Variants in POTEF observed in about 807,000 individuals in gnomAD.
The protein encoded by POTEF is POTE ankyrin domain family member F, also known as ANKRD26-like family C member 1B.
In POTEF, 20 loss-of-function variants were observed where a neutral mutation model predicts 83.2. The ratio of observed to expected loss-of-function variants is 0.24; its 90% CI spans 0.17 to 0.35. POTEF has a LOEUF of 0.35. POTEF is among the 10% of genes least tolerant of loss of function. The pLI is 1.00. For missense variants in POTEF, 550 were observed against 1,203.2 expected (o/e 0.46, Z 8.03); for synonymous variants, 196 against 446.4 (o/e 0.44, Z 7.07).
chr2:130,120,730 G>C, intron 2 of POTEF, 122 bp from the exon 3 acceptor site: 1 of 908,050 alleles, frequency 1.1e-6, no homozygotes, highest in Non-Finnish European at 1.6e-6. Flanking sequence ...GCCCCCCCTG[G>C]GCGACCCCAC....
chr2:130,106,071 T>C (rs915290818), intron 8 of POTEF, among the ~76,000 whole-genome samples: 2 of 151,076 alleles, frequency 1.3e-5, no homozygotes, highest in Admixed American at 6.6e-5. Context: ...GCCCTTGCGA[T>C]GTTGTGTTGT....
At chr2:130,116,230 C>A (rs1045556296) in intron 3 of POTEF, among the ~76,000 whole-genome samples, 2 of 151,370 alleles carry the variant, frequency 1.3e-5, no homozygotes, top group Non-Finnish European at 2.9e-5. Flanking sequence ...TTTGTCAATA[C>A]TTAGATTTAT....
intron 3 of POTEF, among the ~76,000 whole-genome samples, chr2:130,116,148 T>C (rs968749737): frequency 1.3e-5 from 2 of 152,072 alleles, no homozygotes; most frequent in South Asian, 2.1e-4. Flanking sequence ...AATAAACCAA[T>C]TCTTACTTTG....
intron 8 of POTEF, among the ~76,000 whole-genome samples, chr2:130,104,955 G>A (rs1390104959): frequency 6.6e-6 from 1 of 150,902 alleles, no homozygotes; most frequent in Non-Finnish European, 1.5e-5. Flanking sequence ...CATTAAACGT[G>A]CATAGAAAAA....
chr2:130,119,660 T>G (rs1341204351), intron 3 of POTEF, among the ~76,000 whole-genome samples: 1 of 151,804 alleles, frequency 6.6e-6, no homozygotes, highest in Non-Finnish European at 1.5e-5. Flanking sequence ...TAGTTCTCAA[T>G]ATACACTTTT....
At chr2:130,105,717 A>C (rs1684506415) in intron 8 of POTEF, among the ~76,000 whole-genome samples, 1 of 148,196 alleles carries the variant, frequency 6.7e-6, no homozygotes, top group African/African-American at 2.6e-5. Context: ...CCCGTTTTAC[A>C]CCATAACCAG....
Position 130,120,448 on chromosome 2 carries a change from T to G in POTEF, c.68A>C (p.Lys23Thr). Residue 23 changes from lysine (K) to threonine (T), a missense_variant, in exon 3 of 17, where the codon AAG (lysine) becomes ACG (threonine). Coordinates refer to ENST00000409914, the MANE Select transcript of POTEF (RefSeq NM_001099771.2). ...SVKKPFGLRS[K>T]MGKWCCRCFP... ...GCAACGGCAGCACCACTTGCCCATC[T>G]TGCTCCTGAGACCAAATGGCTTCTT... The G allele has an allele frequency of 6.2e-7, 1 of 1,613,624 alleles. No homozygotes were observed. Among genetic ancestry groups the G allele is most frequent in the Non-Finnish European group, 8.5e-7 (1 of 1,179,872 alleles).
Position 130,127,718 on chromosome 2 carries a change from C to G in POTEF, c.-103G>C, listed in dbSNP as rs1169055947. The G allele has an allele frequency of 1.3e-5, 2 of 152,134 alleles. No individual in the cohort carries two copies. The highest frequency in any genetic ancestry group is 2.4e-5 in the African/African-American group (1 of 41,012). 9.4% of individuals were successfully genotyped at this position (152,134 alleles called of 1,614,324 possible). On this transcript the variant is annotated 5_prime_UTR_variant, in exon 2 of 17. Transcript: ENST00000409914. ...GCGGGCACCCTCCTACCACTCCTGT[C>G]GAGCTGCAGTCTCCGTGGCTGCCAT...
chr2:130,120,161 C>T lies in POTEF; in HGVS notation c.355G>A (p.Ala119Thr), dbSNP rs780600249. The change falls in exon 3 of 17, where the codon GCT (alanine) becomes ACT (threonine). Residue 119 changes from alanine (A) to threonine (T), a missense_variant. By Grantham distance (58) the Ala-to-Thr change is moderately conservative. Transcript: ENST00000409914. ...CRGSSKSKVG[A>T]WGDYDDSAFM... ...GCACTGTCATCGTAGTCTCCCCAAG[C>T]GCCCACCTTGCTCTTGCTGCTCCCC... The T allele has an allele frequency of 4.0e-5, 64 of 1,609,132 alleles. No individual in the cohort carries two copies. Among genetic ancestry groups the T allele is most frequent in the East Asian group, 2.2e-4 (10 of 44,688 alleles).
intron 12 of POTEF, among the ~76,000 whole-genome samples, chr2:130,088,859 GCCA>G (rs1684065362): frequency 6.6e-6 from 1 of 152,006 alleles, no homozygotes; most frequent in Non-Finnish European, 1.5e-5. Flanking sequence ...ACAGGTGTGA[GCCA>G]CCACACCTGG....
chr2:130,108,311 A>T (rs1684604338), intron 7 of POTEF, among the ~76,000 whole-genome samples: 1 of 151,522 alleles, frequency 6.6e-6, no homozygotes, highest in Admixed American at 6.6e-5. Flanking sequence ...TGACCCAGTA[A>T]ATTAGCTAGC....
intron 8 of POTEF, among the ~76,000 whole-genome samples, chr2:130,104,120 G>A (rs1034447542): frequency 1.3e-5 from 2 of 150,574 alleles, no homozygotes; most frequent in African/African-American, 5.0e-5. Flanking sequence ...TGTGGACAGA[G>A]CTGAGATGAT....
intron 3 of POTEF, among the ~76,000 whole-genome samples, chr2:130,118,307 C>A (rs1196439174): frequency 6.6e-6 from 1 of 151,944 alleles, no homozygotes; most frequent in African/African-American, 2.4e-5. Context: ...ATTCCTTCTT[C>A]TACCAGGAAC....
At position 130,075,573 on chromosome 2, in the gene POTEF, C is replaced by G. The variant is rs1418381616; in HGVS notation, c.1900-1G>C. 62 of 1,608,514 alleles carry G rather than the reference C, an allele frequency of 3.9e-5. 1 individual carries two copies. The highest frequency in any genetic ancestry group is 5.3e-5 in the Non-Finnish European group (62 of 1,178,892). On this transcript the variant is annotated splice_acceptor_variant, in intron 16 of 16. Coordinates refer to ENST00000409914, the MANE Select transcript of POTEF (RefSeq NM_001099771.2). LOFTEE classifies it high-confidence loss of function. ...TTTCTTTCTTACAACTAAGAGAAAG[C>G]TAAGTAAACAAAGAGAACTTTTAGT...
rs1002408755 is a variant in POTEF at position 130,104,101 on chromosome 2, G to A, written c.1127-1921C>T. On this transcript the variant is annotated intron_variant, in intron 8 of 16. Coordinates refer to ENST00000409914, the MANE Select transcript of POTEF (RefSeq NM_001099771.2). ...AATTATTCATTAAGACAAGGTGACAGATAGCTCATGTGGACAGAGCTGAGA... is the reference window on the plus strand; with the variant it reads ...AATTATTCATTAAGACAAGGTGACAAATAGCTCATGTGGACAGAGCTGAGA... Among the ~76,000 whole-genome samples the A allele has an allele frequency of 4.7e-5, 7 of 149,842 alleles. 1 individual carries two copies. Among genetic ancestry groups the A allele is most frequent in the African/African-American group, 1.8e-4 (7 of 39,260 alleles).
Position 130,075,007 on chromosome 2 carries a change from A to T in POTEF, c.2465T>A (p.Ile822Asn), listed in dbSNP as rs1451549634. The T allele has an allele frequency of 6.2e-7, 1 of 1,613,232 alleles. No individual in the cohort carries two copies. Residue 822 changes from isoleucine to asparagine, a missense_variant, in exon 17 of 17, where the codon ATC becomes AAC. Coordinates refer to ENST00000409914, the MANE Select transcript of POTEF (RefSeq NM_001099771.2). ...PKANREKMTQ[I>N]MFETFNTPAM... ...TGGGGTGTTGAAGGTCTCAAACATG[A>T]TCTGGGTCATCTTCTCGCGGTTGGC...
chr2:130,105,119 T>G (rs1684484328), intron 8 of POTEF, among the ~76,000 whole-genome samples: 1 of 142,808 alleles, frequency 7.0e-6, no homozygotes, highest in African/African-American at 2.7e-5. Flanking sequence ...GCCTTTCTCA[T>G]TCAATTATCA....
intron 1 of POTEF, among the ~76,000 whole-genome samples, 165 bp downstream of exon 1, chr2:130,128,907 C>T (rs1242037957): frequency 2.4e-5 from 3 of 123,724 alleles, no homozygotes; most frequent in Non-Finnish European, 5.0e-5. Context: ...AGTGTAGCCC[C>T]GGACAGCCAG....
intron 2 of POTEF, among the ~76,000 whole-genome samples, chr2:130,122,411 A>C (rs963400630): frequency 6.9e-6 from 1 of 144,618 alleles, no homozygotes; most frequent in Non-Finnish European, 1.5e-5. Context: ...TACCAGCAGC[A>C]TATGTTGAAT....
Sources: allele counts gnomAD v4.1 joint callset (sites outside exome capture counted in the v4.1 genomes callset), GRCh38; gene constraint gnomAD v4.1.1; transcripts MANE v1.5; gene names NCBI Gene and HGNC (gene_info 2026-07-23, HGNC 2026-07-21).